The following PCDHA2 variants were observed in gnomAD, a reference collection of about 807,000 sequenced individuals.
PCDHA2 encodes protocadherin alpha 2.
In PCDHA2, 58 loss-of-function variants were observed where a neutral mutation model predicts 66.0. The ratio of observed to expected loss-of-function variants is 0.88; its 90% CI spans 0.71 to 1.09. PCDHA2 has a LOEUF of 1.09. PCDHA2 is among the 50% of genes least tolerant of loss of function. The pLI, the probability that PCDHA2 is intolerant of heterozygous loss-of-function variation, is 0.00. For synonymous variants in PCDHA2, 634 were observed against 554.0 expected (o/e 1.14, Z -2.03); for missense variants, 1,267 against 1,242.3 (o/e 1.02, Z -0.30).
rs533760082 is a variant in PCDHA2 at position 140,985,940 on chromosome 5, T to C, written c.2536+3377T>C. On this transcript the variant is annotated intron_variant, in intron 3 of 3. Coordinates refer to ENST00000526136, the MANE Select transcript of PCDHA2 (RefSeq NM_018905.3). ...ATTTTTAGTAGAGCCGGGGTTTCAC[T>C]GTGTTAGCCAGGATGGTCTCAATCT... is the stretch of plus-strand genomic sequence containing the variant. Among the ~76,000 whole-genome samples, 4 of 151,946 alleles carry C rather than the reference T, an allele frequency of 2.6e-5. No homozygotes were observed. In the South Asian group the frequency reaches 6.2e-4, roughly 24 times the overall value.
intron 1 of PCDHA2, chr5:140,968,123 C>A: frequency 6.2e-7 from 1 of 1,614,178 alleles, no homozygotes; most frequent in Non-Finnish European, 8.5e-7. Context: ...CACATCCCTG[C>A]GTACACTGAA....
intron 1 of PCDHA2, among the ~76,000 whole-genome samples, chr5:140,941,983 A>G (rs2093212614): frequency 6.6e-6 from 1 of 152,198 alleles, no homozygotes; most frequent in Non-Finnish European, 1.5e-5. Context: ...CTAAACCTTG[A>G]TAAGGGATTC....
chr5:140,926,972 C>T (rs782504064), intron 1 of PCDHA2: 1 of 1,609,464 alleles, frequency 6.2e-7, no homozygotes. Context: ...TACTCAGTGC[C>T]GGAGGAGACG....
chr5:140,808,621 T>G lies in PCDHA2; in HGVS notation c.2388+11269T>G, dbSNP rs114189758. 8.5e-4 allele frequency: 1,376 copies of G among 1,613,736 alleles called. 16 individuals carry two copies. In the African/African-American group the frequency reaches 0.017, roughly 19 times the overall value. On this transcript the variant is annotated intron_variant, in intron 1 of 3. Coordinates refer to ENST00000526136, the MANE Select transcript of PCDHA2 (RefSeq NM_018905.3). ...CGGGCTGCCACATCTTCACTGTGTCTGCGTGGGACGCGGACGCGCAGGAGA... is the reference window on the plus strand; with the variant it reads ...CGGGCTGCCACATCTTCACTGTGTCGGCGTGGGACGCGGACGCGCAGGAGA...
At chr5:140,884,493 C>G (rs782633321) in intron 1 of PCDHA2, 4 of 1,613,920 alleles carry the variant, frequency 2.5e-6, no homozygotes, top group South Asian at 1.1e-5. Context: ...CTAGTGTGCT[C>G]CAGCGCGGCA....
chr5:140,883,071 A>T, intron 1 of PCDHA2: 1 of 1,614,116 alleles, frequency 6.2e-7, no homozygotes, highest in Non-Finnish European at 8.5e-7. Context: ...AATGCCACAG[A>T]TCCTGATGAT....
chr5:140,902,767 G>A (rs1038910114), intron 1 of PCDHA2, among the ~76,000 whole-genome samples: 2 of 145,672 alleles, frequency 1.4e-5, no homozygotes, highest in African/African-American at 5.0e-5. Flanking sequence ...TTATGTCTTT[G>A]CATTCTCATA....
chr5:141,007,653 C>T (rs373127730), intron 3 of PCDHA2, among the ~76,000 whole-genome samples: 1 of 152,126 alleles, frequency 6.6e-6, no homozygotes, highest in African/African-American at 2.4e-5. Context: ...GCCTAAAAAA[C>T]CATAAATTTA....
In PCDHA2 at chr5:140,795,165, G is replaced by A. The variant is rs782585524; in HGVS notation, c.201G>A (p.Ala67=). Residue 67 remains alanine, a synonymous_variant, in exon 1 of 4, where the codon GCG becomes GCA. Coordinates refer to ENST00000526136, the MANE Select transcript of PCDHA2 (RefSeq NM_018905.3). ...TGGTGCCGCGCCTGTTCCGGGTGGC[G>A]TCCAAAAGACACGGGGACCTTCTGG... ...EELVPRLFRV[A]SKRHGDLLEV... 2.5e-6 allele frequency: 4 copies of A among 1,614,056 alleles called. No individual in the cohort carries two copies. In the East Asian group the frequency reaches 8.9e-5, roughly 36 times the overall value.
At position 140,877,671 on chromosome 5, in the gene PCDHA2, G is replaced by T. The variant is rs138162923; in HGVS notation, c.2388+80319G>T. 2.5e-6 allele frequency: 4 copies of T among 1,613,620 alleles called. No individual in the cohort carries two copies. The South Asian group carries it at 3.3e-5, about 13-fold the overall frequency. On this transcript the variant is annotated intron_variant, in intron 1 of 3. Coordinates refer to ENST00000526136, the MANE Select transcript of PCDHA2 (RefSeq NM_018905.3). ...CGCCGCCCACCGTGAGCCGGTGCGC[G>T]CCGGGCAAGCCCACGCTGGTGTGCT...
intron 1 of PCDHA2, among the ~76,000 whole-genome samples, chr5:140,899,982 A>AT (rs1290251020): frequency 2.0e-5 from 3 of 150,600 alleles, no homozygotes; most frequent in African/African-American, 4.9e-5. Context: ...TACTTTTTTG[A>AT]TTTTTTTTGT....
At chr5:140,808,921 C>T in intron 1 of PCDHA2, 2 of 1,613,590 alleles carry the variant, frequency 1.2e-6, no homozygotes, top group South Asian at 2.2e-5. Context: ...GCGCAGTGAG[C>T]GAGCTGGTGC....
chr5:140,822,084 C>T (rs2150113560), intron 1 of PCDHA2: 2 of 1,614,224 alleles, frequency 1.2e-6, no homozygotes, highest in Non-Finnish European at 1.7e-6. Context: ...AGTGCAGCAT[C>T]CACCTGGAGG....
chr5:140,971,184 A>C (rs1431296656), intron 1 of PCDHA2, among the ~76,000 whole-genome samples: 1 of 152,188 alleles, frequency 6.6e-6, no homozygotes, highest in African/African-American at 2.4e-5. Context: ...TGTAAGCCGG[A>C]AGCTCAGAGG....
At chr5:140,839,863 C>T (rs1776446345) in intron 1 of PCDHA2, among the ~76,000 whole-genome samples, 1 of 151,846 alleles carries the variant, frequency 6.6e-6, no homozygotes, top group African/African-American at 2.4e-5. Flanking sequence ...TTGAGGTGGA[C>T]TTTGAAAGAT....
In PCDHA2 at chr5:140,801,677, A is replaced by C. The variant is rs1244967263; in HGVS notation, c.2388+4325A>C. On this transcript the variant is annotated intron_variant, in intron 1 of 3. Coordinates refer to ENST00000526136, the MANE Select transcript of PCDHA2 (RefSeq NM_018905.3). ...TTTCGCTAGAGGGCGCATCAGATGC[A>C]GATATCGGAACAAATTCGTTGTTGA... 4.3e-6 allele frequency: 7 copies of C among 1,614,108 alleles called. No homozygotes were observed. In the African/African-American group the frequency reaches 6.7e-5, roughly 15 times the overall value.
At position 140,795,224 on chromosome 5, in the gene PCDHA2, A is replaced by G; in HGVS notation, c.260A>G (p.Asn87Ser). 6.2e-7 allele frequency: 1 copy of G among 1,614,226 alleles called. No individual in the cohort carries two copies. ...VNLQNGILFVNSRIDREELCG... is the reference protein window; with the variant it reads ...VNLQNGILFVSSRIDREELCG... ...CTGCAGAATGGCATTTTGTTTGTGA[A>G]TTCTCGGATCGACCGGGAGGAGCTG... The change falls in exon 1 of 4, where the codon AAT becomes AGT. Residue 87 changes from asparagine (N) to serine (S), a missense_variant. Physicochemically the swap from Asn to Ser is conservative, Grantham distance 46. Coordinates refer to ENST00000526136, the MANE Select transcript of PCDHA2 (RefSeq NM_018905.3).
At chr5:140,983,340 A>G (rs148799902) in intron 3 of PCDHA2, among the ~76,000 whole-genome samples, 114 of 152,358 alleles carry the variant, frequency 7.5e-4, no homozygotes, top group African/African-American at 2.2e-3. Flanking sequence ...TCACTAAAGC[A>G]GGGTCATGTA....
rs977122092 is a variant in PCDHA2 at position 140,796,358 on chromosome 5, A to G, written c.1394A>G (p.Lys465Arg). The G allele has an allele frequency of 6.2e-7, 1 of 1,612,492 alleles. No homozygotes were observed. Among genetic ancestry groups the G allele is most frequent in the Non-Finnish European group, 8.5e-7 (1 of 1,179,624 alleles). The stretch of plus-strand genomic sequence containing the variant: ...CAGCCTGAGTACACAGTATTCGTGA[A>G]GGAGAACAACCCGCCGGGCTGCCAC... ...FAQPEYTVFV[K>R]ENNPPGCHIF... The change falls in exon 1 of 4, where the codon AAG (lysine) becomes AGG (arginine). Residue 465 changes from lysine (K) to arginine (R), a missense_variant. Coordinates refer to ENST00000526136, the MANE Select transcript of PCDHA2 (RefSeq NM_018905.3).
Sources: gnomAD v4.1 joint callset for allele counts (sites outside exome capture counted in the v4.1 genomes callset) on GRCh38, gnomAD v4.1.1 for gene constraint, MANE v1.5 for transcripts, NCBI Gene and HGNC (gene_info 2026-07-23, HGNC 2026-07-21) for gene names.